TACC2: variants seen among roughly 807,000 people sequenced by gnomAD.
The protein encoded by TACC2 is transforming acidic coiled-coil-containing protein 2.
Under a neutral mutation model 227.3 loss-of-function variants are expected in TACC2, and 137 were observed. The observed-to-expected ratio is 0.60, with a 90% CI of 0.52 to 0.69. TACC2 has a LOEUF of 0.69. Ranked by LOEUF, TACC2 falls within the 30% of genes least tolerant of loss-of-function variation. TACC2 has a pLI of 0.00. For synonymous variants in TACC2, 1,523 were observed against 1,487.5 expected, an observed-to-expected ratio of 1.02 and a Z score of -0.55; for missense variants, 3,470 against 3,694.4, an observed-to-expected ratio of 0.94 and a Z score of 1.57.
At chr10:122,089,929 C>G (rs2080554466) in intron 5 of TACC2, among the ~76,000 whole-genome samples, 1 of 152,116 alleles carries the variant, frequency 6.6e-6, no homozygotes, top group Non-Finnish European at 1.5e-5. Context: ...CATTGGACAC[C>G]CTTTTTTGCT....
chr10:122,000,550 A>C (rs1240629622), intron 1 of TACC2, among the ~76,000 whole-genome samples: 1 of 152,170 alleles, frequency 6.6e-6, no homozygotes, highest in Non-Finnish European at 1.5e-5. Flanking sequence ...AGTGGGCTCT[A>C]GTCACAAATG....
At position 122,211,579 on chromosome 10, in the gene TACC2, C is replaced by T. The variant is rs763304795; in HGVS notation, c.7154C>T (p.Ser2385Phe). 1.2e-6 allele frequency: 2 copies of T among 1,614,094 alleles called. No individual in the cohort carries two copies. Among genetic ancestry groups the T allele is most frequent in the Non-Finnish European group, 8.5e-7 (1 of 1,180,026 alleles). Residue 2385 changes from serine to phenylalanine, a missense_variant, in exon 9 of 23, where the codon TCT becomes TTT. Transcript: ENST00000369005. ...TCCGTTGACCCCTTTAAGACATCCT[C>T]TAAGACCCCCAGCTCACCTTCTAAA... The part of the protein sequence containing the change: ...DESVDPFKTS[S>F]KTPSSPSKSP...
intron 5 of TACC2, among the ~76,000 whole-genome samples, chr10:122,124,241 A>G (rs2086394039): frequency 6.6e-6 from 1 of 152,064 alleles, no homozygotes; most frequent in Admixed American, 6.6e-5. Flanking sequence ...TTTGTTCTTC[A>G]TGTCCCTTCC....
chr10:122,000,761 C>T (rs1457022861), intron 1 of TACC2, among the ~76,000 whole-genome samples: 1 of 152,054 alleles, frequency 6.6e-6, no homozygotes, highest in East Asian at 1.9e-4. Flanking sequence ...ATCTGCCTTC[C>T]TCCCTCCACT....
intron 8 of TACC2, among the ~76,000 whole-genome samples, chr10:122,204,028 C>T (rs1038452566): frequency 1.3e-5 from 2 of 151,266 alleles, no homozygotes; most frequent in African/African-American, 4.9e-5. Context: ...TGTGGCGGCG[C>T]GCGCCTGCAA....
In TACC2 at chr10:122,227,899, C is replaced by T; in HGVS notation, c.7787C>T (p.Pro2596Leu). 1.2e-6 allele frequency: 2 copies of T among 1,614,236 alleles called. No homozygotes were observed. Among genetic ancestry groups the T allele is most frequent in the Non-Finnish European group, 1.7e-6 (2 of 1,180,034 alleles). The change falls in exon 14 of 23, where the codon CCA becomes CTA. Residue 2596 changes from proline (P) to leucine (L), a missense_variant. Pro to Leu is a moderately conservative substitution (Grantham distance 98, BLOSUM62 -3). Around this residue, in one of 10 missense-constraint regions of TACC2, gnomAD observed 345 missense variants for 354.4 expected, o/e 0.97. Transcript: ENST00000369005. ...GCTGCGAAAAACCAGCATCCTGTCC[C>T]ACGAGGACTGGCCCCTAACCAAGAG... ...NTAAKNQHPV[P>L]RGLAPNQESH...
At chr10:122,019,101 T>A (rs1026978359) in intron 1 of TACC2, among the ~76,000 whole-genome samples, 1 of 152,222 alleles carries the variant, frequency 6.6e-6, no homozygotes, top group Non-Finnish European at 1.5e-5. Context: ...AGCCGGAGGC[T>A]GCGGGGCCGG....
chr10:122,018,125 C>A (rs931097889), intron 1 of TACC2, among the ~76,000 whole-genome samples: 1 of 151,890 alleles, frequency 6.6e-6, no homozygotes, highest in Admixed American at 6.6e-5. Flanking sequence ...CCGCTTCTCA[C>A]CCCCATCCCC....
intron 2 of TACC2, among the ~76,000 whole-genome samples, chr10:122,049,461 G>T (rs1311029878): frequency 6.6e-6 from 1 of 152,136 alleles, no homozygotes; most frequent in East Asian, 1.9e-4. Context: ...ACACTCCAGT[G>T]GGCAGGGACA....
chr10:122,100,618 G>A (rs1237438342), intron 5 of TACC2, among the ~76,000 whole-genome samples: 1 of 151,938 alleles, frequency 6.6e-6, no homozygotes, highest in East Asian at 1.9e-4. Flanking sequence ...TACAGACGGG[G>A]TTTCACCATG....
chr10:122,041,294 C>G (rs1414816227), intron 2 of TACC2, among the ~76,000 whole-genome samples: 1 of 151,098 alleles, frequency 6.6e-6, no homozygotes, highest in African/African-American at 2.4e-5. Flanking sequence ...TCAGCCAGTG[C>G]AGGACAGGGA....
intron 3 of TACC2, among the ~76,000 whole-genome samples, chr10:122,078,671 A>G (rs895963309): frequency 4.6e-5 from 7 of 152,244 alleles, no homozygotes; most frequent in Non-Finnish European, 8.8e-5. Flanking sequence ...TCGAAGCATA[A>G]AAGGATATTA....
At chr10:122,129,941 G>A (rs956937517) in intron 5 of TACC2, among the ~76,000 whole-genome samples, 8 of 152,160 alleles carry the variant, frequency 5.3e-5, no homozygotes, top group African/African-American at 1.7e-4. Context: ...CTGGACCTCC[G>A]CACTGTCAAT....
At chr10:122,104,902 C>T (rs7072259) in intron 5 of TACC2, among the ~76,000 whole-genome samples, 133,902 of 152,282 alleles carry the variant, frequency 0.88, 60,442 homozygotes, top group East Asian at 0.98. Flanking sequence ...CTTTCCCATC[C>T]CTGTCATGTG....
intron 3 of TACC2, among the ~76,000 whole-genome samples, chr10:122,054,907 G>A (rs190239023): frequency 6.2e-4 from 94 of 152,234 alleles, no homozygotes; most frequent in Middle Eastern, 3.4e-3. Context: ...GCTCCCCGAG[G>A]ACAGGTCTTT....
Position 122,021,963 on chromosome 10 carries a change from C to A in TACC2, c.-19C>A. ...CACCTCTGACAAAATTCTGGGGACG[C>A]TGGGAACACTGAATCAACATGGGCA... On this transcript the variant is annotated 5_prime_UTR_variant, in exon 2 of 23. It adds an upstream start codon to the 5' untranslated region. Transcript: ENST00000369005. 6.2e-7 allele frequency: 1 copy of A among 1,613,974 alleles called. No homozygotes were observed. Among genetic ancestry groups the A allele is most frequent in the African/African-American group, 1.3e-5 (1 of 75,008 alleles).
At chr10:122,077,441 C>T (rs1161696883) in intron 3 of TACC2, among the ~76,000 whole-genome samples, 2 of 152,148 alleles carry the variant, frequency 1.3e-5, no homozygotes, top group Non-Finnish European at 2.9e-5. Context: ...TCTGGGAGCC[C>T]AGGCCAGGGA....
At chr10:122,038,556 T>C (rs2073860218) in intron 2 of TACC2, among the ~76,000 whole-genome samples, 1 of 152,114 alleles carries the variant, frequency 6.6e-6, no homozygotes, top group African/African-American at 2.4e-5. Flanking sequence ...GGTCGTTGTC[T>C]TGAGACGCTC....
At chr10:122,170,087 T>A (rs2093390817) in intron 7 of TACC2, among the ~76,000 whole-genome samples, 1 of 151,930 alleles carries the variant, frequency 6.6e-6, no homozygotes, top group South Asian at 2.1e-4. Flanking sequence ...CCTCTTGGAT[T>A]TCTCCTGGAT....
Sources: allele counts gnomAD v4.1 joint callset (sites outside exome capture counted in the v4.1 genomes callset), GRCh38; gene constraint gnomAD v4.1.1; regional missense constraint gnomAD v4.1.1; transcripts MANE v1.5; gene names NCBI Gene and HGNC (gene_info 2026-07-23, HGNC 2026-07-21).